PPP2R5D: variants seen among roughly 807,000 people sequenced by gnomAD.
PPP2R5D encodes protein phosphatase 2 regulatory subunit B'delta, also known as serine/threonine-protein phosphatase 2A 56 kDa regulatory subunit delta isoform.
In PPP2R5D, 12 loss-of-function variants were observed where a neutral mutation model predicts 79.1. The ratio of observed to expected loss-of-function variants is 0.15; its 90% CI spans 0.10 to 0.25. The LOEUF (loss-of-function observed/expected upper bound fraction) is 0.25. PPP2R5D is among the 10% of genes least tolerant of loss of function. The pLI, the probability that PPP2R5D is intolerant of heterozygous loss-of-function variation, is 1.00. For synonymous variants in PPP2R5D, 277 were observed against 286.6 expected (o/e 0.97, Z 0.34); for missense variants, 419 against 760.2 (o/e 0.55, Z 5.28).
Position 43,010,884 on chromosome 6 carries a change from C to G in PPP2R5D, c.1558C>G (p.Pro520Ala). 1 of 1,613,124 alleles carries G rather than the reference C, an allele frequency of 6.2e-7. No homozygotes were observed. Among genetic ancestry groups the G allele is most frequent in the Middle Eastern group, 1.7e-4 (1 of 6,058 alleles). The change falls in exon 15 of 16, where the codon CCC becomes GCC. Residue 520 changes from proline to alanine, a missense_variant. Physicochemically the swap from Pro to Ala is conservative, Grantham distance 27. This residue lies in a region of PPP2R5D where 84 missense variants were observed against 105.4 expected (regional missense o/e 0.80). Transcript: ENST00000485511. The surrounding 1 kb of genome is among the most constrained non-coding windows in gnomAD (Gnocchi z 4.7). ...EELARLNPQY[P>A]MFRAPPPLPP... The stretch of plus-strand genomic sequence containing the variant: ...TTGTCCATGTCTCCTCACTCAGTAT[C>G]CCATGTTCCGAGCCCCTCCACCACT...
chr6:42,988,860 C>T (rs1581797379), intron 1 of PPP2R5D, among the ~76,000 whole-genome samples: 1 of 152,338 alleles, frequency 6.6e-6, no homozygotes, highest in East Asian at 1.9e-4. Context: ...TTCACATTTT[C>T]CCTATCCTGT....
At chr6:42,998,415 A>T (rs1581827917) in intron 2 of PPP2R5D, among the ~76,000 whole-genome samples, 1 of 151,976 alleles carries the variant, frequency 6.6e-6, no homozygotes, top group Non-Finnish European at 1.5e-5. Flanking sequence ...AATAGGCTGG[A>T]CCAGGATAGG....
chr6:42,989,487 G>C lies in PPP2R5D; in HGVS notation c.28-124G>C, dbSNP rs1771095312. ...CTCCACCCACCCCAGCTCCGCACAA[G>C]GTAGATTCTAATTGATTGATTCAAC... On this transcript the variant is annotated intron_variant, in intron 1 of 15. Transcript: ENST00000485511. 1.7e-5 allele frequency: 14 copies of C among 807,996 alleles called. No homozygotes were observed. The South Asian group carries it at 2.4e-4, about 14-fold the overall frequency. The allele number at this position is 807,996 out of a possible 1,614,324, so 50.1% of individuals were successfully genotyped here.
intron 2 of PPP2R5D, among the ~76,000 whole-genome samples, chr6:42,992,280 C>G (rs950571300): frequency 6.6e-6 from 1 of 152,010 alleles, no homozygotes; most frequent in Non-Finnish European, 1.5e-5. Flanking sequence ...AGGATGGTCT[C>G]GATCTCCTGA....
chr6:42,985,170 T>C (rs939608398), intron 1 of PPP2R5D, among the ~76,000 whole-genome samples: 36 of 152,110 alleles, frequency 2.4e-4, no homozygotes, highest in African/African-American at 7.7e-4. Flanking sequence ...CGCCCCGCAG[T>C]CCCCTACGGC....
In PPP2R5D at chr6:43,010,657, T is replaced by A; in HGVS notation, c.1482-7T>A. 1 of 1,613,914 alleles carries A rather than the reference T, an allele frequency of 6.2e-7. No individual in the cohort carries two copies. The highest frequency in any genetic ancestry group is 8.5e-7 in the Non-Finnish European group (1 of 1,179,908). ...AGCCCAACCCCAATCCTACTTTTGC[T>A]CCTCAGGGGCCGGTTCCGAATGAAG... is the stretch of plus-strand genomic sequence containing the variant. On this transcript the variant is annotated splice_polypyrimidine_tract_variant and splice_region_variant and intron_variant, in intron 13 of 15. Transcript: ENST00000485511. This position sits in a 1 kb window ranked among gnomAD's most constrained non-coding sequence, Gnocchi z 4.7.
intron 2 of PPP2R5D, among the ~76,000 whole-genome samples, chr6:43,004,297 A>G (rs901331292): frequency 6.6e-6 from 1 of 152,252 alleles, no homozygotes; most frequent in East Asian, 1.9e-4. Context: ...TGCTGGGATT[A>G]CAGGCGTGAG....
intron 2 of PPP2R5D, among the ~76,000 whole-genome samples, chr6:43,005,224 T>C (rs1762007305): frequency 6.6e-6 from 1 of 151,598 alleles, no homozygotes; most frequent in South Asian, 2.1e-4. Flanking sequence ...TTTATTAAGC[T>C]AAATTTCTAG....
In PPP2R5D at chr6:42,984,570, G is replaced by T. The variant is rs1770677555; in HGVS notation, c.-108G>T. 2.8e-6 allele frequency: 4 copies of T among 1,449,258 alleles called. No individual in the cohort carries two copies. The East Asian group carries it at 1.1e-4, about 39-fold the overall frequency. 89.8% of individuals were successfully genotyped at this position (1,449,258 alleles called of 1,614,324 possible). A position where few individuals can be genotyped will look rare whatever the true frequency, so the allele number is the denominator to read the frequency against. ...GGCGCAGGCACCGCTCGACCCGGGC[G>T]CAGCGCGCAGGCGGTGGCGAAGAGA... On this transcript the variant is annotated 5_prime_UTR_variant, in exon 1 of 16. Transcript: ENST00000485511.
Position 43,006,069 on chromosome 6 carries a change from A to AT in PPP2R5D, c.106-393dup, listed in dbSNP as rs1380172448. 6.6e-6 allele frequency among the ~76,000 whole-genome samples: 1 copy of AT among 152,250 alleles called. No individual in the cohort carries two copies. Among genetic ancestry groups the AT allele is most frequent in the East Asian group, 1.9e-4 (1 of 5,184 alleles). ...GTTTACATTACTCAGAAGGCTCCTC[A>AT]TGTCTCTTCTTATTCCTCATGTGTC... On this transcript the variant is annotated intron_variant, in intron 2 of 15. Coordinates refer to ENST00000485511, the MANE Select transcript of PPP2R5D (RefSeq NM_006245.4). This position sits in a 1 kb window ranked among gnomAD's most constrained non-coding sequence, Gnocchi z 4.7.
rs1481175446 is a variant in PPP2R5D, at chr6:43,007,859, G to A, written c.727-76G>A. 3.8e-6 allele frequency: 6 copies of A among 1,578,454 alleles called. No homozygotes were observed. The highest frequency in any genetic ancestry group is 2.7e-5 in the African/African-American group (2 of 73,778). On this transcript the variant is annotated intron_variant, in intron 6 of 15. Coordinates refer to ENST00000485511, the MANE Select transcript of PPP2R5D (RefSeq NM_006245.4). The surrounding 1 kb of genome is among the most constrained non-coding windows in gnomAD (Gnocchi z 4.5). ...AGGGGACCTCTGCATTTCCCCTGGCGGGACCTATGTCACCCTGGCCACTGC... is the reference window on the plus strand; with the variant it reads ...AGGGGACCTCTGCATTTCCCCTGGCAGGACCTATGTCACCCTGGCCACTGC...
At position 42,984,621 on chromosome 6, in the gene PPP2R5D, G is replaced by A. The variant is rs1581787347; in HGVS notation, c.-57G>A. On this transcript the variant is annotated 5_prime_UTR_variant, in exon 1 of 16. Coordinates refer to ENST00000485511, the MANE Select transcript of PPP2R5D (RefSeq NM_006245.4). ...CGCCGAGCGGGCCGAGTGCGGCCGA[G>A]CAAAGCCGGAGCCGGAGCGGGGCCG... 6.4e-7 allele frequency: 1 copy of A among 1,559,868 alleles called. No homozygotes were observed. Among genetic ancestry groups the A allele is most frequent in the South Asian group, 1.2e-5 (1 of 84,856 alleles).
intron 2 of PPP2R5D, among the ~76,000 whole-genome samples, chr6:42,990,933 A>T (rs1274124929): frequency 2.0e-5 from 3 of 151,822 alleles, no homozygotes; most frequent in Non-Finnish European, 2.9e-5. Context: ...GCTGGACTTG[A>T]ACTCCTGACC....
chr6:43,004,239 T>A (rs1020809318), intron 2 of PPP2R5D, among the ~76,000 whole-genome samples: 1 of 149,212 alleles, frequency 6.7e-6, no homozygotes, highest in African/African-American at 2.5e-5. Context: ...TCCAGGCTGG[T>A]CTCAAACTCC....
rs763375514 is a variant in PPP2R5D at position 43,006,593 on chromosome 6, A to G, written c.236A>G (p.Gln79Arg). The G allele has an allele frequency of 4.3e-6, 7 of 1,614,138 alleles. No homozygotes were observed. Among genetic ancestry groups the G allele is most frequent in the Non-Finnish European group, 5.9e-6 (7 of 1,180,036 alleles). Residue 79 changes from glutamine to arginine, a missense_variant, in exon 3 of 16, where the codon CAG becomes CGG. Transcript: ENST00000485511. The surrounding 1 kb of genome is among the most constrained non-coding windows in gnomAD (Gnocchi z 4.7). ...AAAATCAAGTACTCAGGGGGGCCCCAGATTGTCAAGAAGGAGCGACGGCAA... is the reference window on the plus strand; with the variant it reads ...AAAATCAAGTACTCAGGGGGGCCCCGGATTGTCAAGAAGGAGCGACGGCAA... ...LSKIKYSGGP[Q>R]IVKKERRQSS...
intron 2 of PPP2R5D, among the ~76,000 whole-genome samples, chr6:43,005,778 C>T (rs1013946367): frequency 1.3e-5 from 2 of 152,174 alleles, no homozygotes; most frequent in East Asian, 1.9e-4. Context: ...CCTGCCACCA[C>T]GCCTGGCTAA....
intron 2 of PPP2R5D, among the ~76,000 whole-genome samples, chr6:42,990,460 A>C (rs1362644548): frequency 6.6e-6 from 1 of 152,160 alleles, no homozygotes; most frequent in Non-Finnish European, 1.5e-5. Flanking sequence ...GACAGGTCTT[A>C]TGGTTTTTTG....
At chr6:43,005,673 G>A (rs1333224323) in intron 2 of PPP2R5D, among the ~76,000 whole-genome samples, 41 of 151,726 alleles carry the variant, frequency 2.7e-4, no homozygotes, top group Admixed American at 2.2e-3. Context: ...CCAGGCTGGA[G>A]TGCAATGGCA....
At chr6:43,004,617 A>G (rs1174597079) in intron 2 of PPP2R5D, among the ~76,000 whole-genome samples, 1 of 132,770 alleles carries the variant, frequency 7.5e-6, no homozygotes, top group Non-Finnish European at 1.6e-5. Flanking sequence ...TTGACTTTCT[A>G]CCATGGAAAA....
Sources: allele counts gnomAD v4.1 joint callset (sites outside exome capture counted in the v4.1 genomes callset), GRCh38; gene constraint gnomAD v4.1.1; regional missense constraint gnomAD v4.1.1; non-coding constraint Gnocchi (gnomAD v3.1); transcripts MANE v1.5; gene names NCBI Gene and HGNC (gene_info 2026-07-23, HGNC 2026-07-21).